Variants in ZNF713 observed in about 807,000 individuals in gnomAD.
ZNF713 encodes the protein zinc finger protein 713.
Under a neutral mutation model 28.7 loss-of-function variants are expected in ZNF713, and 21 were observed. The ratio of observed to expected loss-of-function variants is 0.73; its 90% confidence interval spans 0.52 to 1.05. The LOEUF (loss-of-function observed/expected upper bound fraction) is 1.05, where lower values mean the gene tolerates loss of function less well. Ranked by LOEUF, ZNF713 falls within the 50% of genes least tolerant of loss-of-function variation. The pLI is 0.00. For synonymous variants in ZNF713, 167 were observed against 178.0 expected (o/e 0.94, Z 0.49); for missense variants, 458 against 532.4 (o/e 0.86, Z 1.37).
intron 4 of ZNF713, chr7:55,918,189 G>T: frequency 4.5e-6 from 2 of 448,224 alleles, no homozygotes; most frequent in South Asian, 3.2e-5. Flanking sequence ...CGACCACCTT[G>T]TCAGGAGGAA....
chr7:55,927,531 A>G (rs1786120120), intron 6 of ZNF713, among the ~76,000 whole-genome samples: 1 of 151,960 alleles, frequency 6.6e-6, no homozygotes, highest in Admixed American at 6.6e-5. Flanking sequence ...TGAAAAAAGC[A>G]AAAGAATTGT....
intron 2 of ZNF713, among the ~76,000 whole-genome samples, chr7:55,908,346 T>A (rs1481755210): frequency 6.6e-6 from 1 of 152,160 alleles, no homozygotes; most frequent in Non-Finnish European, 1.5e-5. Flanking sequence ...TTTCACCATG[T>A]TGGTCAGGCT....
chr7:55,939,257 C>T lies in ZNF713; in HGVS notation c.583C>T (p.Leu195Phe). 1 of 1,614,062 alleles carries T rather than the reference C, an allele frequency of 6.2e-7. No homozygotes were observed. The highest frequency in any genetic ancestry group is 8.5e-7 in the Non-Finnish European group (1 of 1,180,020). Residue 195 changes from leucine (L) to phenylalanine (F), a missense_variant, in exon 7 of 7, where the codon CTT (leucine) becomes TTT (phenylalanine). By Grantham distance (22) the Leu-to-Phe change is conservative. Transcript: ENST00000429591. ...FAENCNLNSNLMQQRIPSIKI... is the reference protein window; with the variant it reads ...FAENCNLNSNFMQQRIPSIKI... ...AGAAAACTGTAATCTGAACTCAAACCTTATGCAGCAGAGAATTCCTTCCAT... is the reference window on the plus strand; with the variant it reads ...AGAAAACTGTAATCTGAACTCAAACTTTATGCAGCAGAGAATTCCTTCCAT...
intron 2 of ZNF713, among the ~76,000 whole-genome samples, chr7:55,906,948 G>A (rs981091204): frequency 3.3e-5 from 5 of 152,172 alleles, no homozygotes; most frequent in Non-Finnish European, 5.9e-5. Context: ...GCTGAAATCT[G>A]ATAAGAAATT....
chr7:55,932,043 T>A (rs1256565050), intron 6 of ZNF713, among the ~76,000 whole-genome samples: 1 of 152,212 alleles, frequency 6.6e-6, no homozygotes, highest in Non-Finnish European at 1.5e-5. Context: ...AAAGAAAGTG[T>A]TCCAGTTGAT....
chr7:55,937,554 T>C (rs1312024409), intron 6 of ZNF713, among the ~76,000 whole-genome samples: 1 of 152,024 alleles, frequency 6.6e-6, no homozygotes, highest in Non-Finnish European at 1.5e-5. Context: ...ATTTTAATTA[T>C]TGAGTAGATA....
intron 6 of ZNF713, among the ~76,000 whole-genome samples, chr7:55,925,134 T>A (rs1456088208): frequency 6.6e-6 from 1 of 152,114 alleles, no homozygotes; most frequent in East Asian, 1.9e-4. Context: ...CTGAGTTAGG[T>A]AGTTTCTACT....
intron 1 of ZNF713, among the ~76,000 whole-genome samples, chr7:55,892,058 T>TCA (rs1277157759): frequency 6.6e-6 from 1 of 151,960 alleles, no homozygotes; most frequent in Non-Finnish European, 1.5e-5. Context: ...GGCAGGCGGA[T>TCA]CACGAGGTCA....
chr7:55,895,193 T>C (rs1330656251), intron 1 of ZNF713, among the ~76,000 whole-genome samples: 1 of 152,102 alleles, frequency 6.6e-6, no homozygotes, highest in African/African-American at 2.4e-5. Context: ...AAGTGAGAGC[T>C]GATGGTGGCT....
rs1314409457 is a variant in ZNF713 at position 55,941,152 on chromosome 7, T to C, written c.*1146T>C. The C allele has an allele frequency of 1.3e-5, 2 of 150,576 alleles. No individual in the cohort carries two copies. Among genetic ancestry groups the C allele is most frequent in the African/African-American group, 4.9e-5 (2 of 41,134 alleles). 9.3% of individuals were successfully genotyped at this position (150,576 alleles called of 1,614,324 possible). ...GTATAAAACTTTTAAATCAGAAATT[T>C]TGATTAATTAAAGACAATGCTGGCT... On this transcript the variant is annotated 3_prime_UTR_variant, in exon 7 of 7. Coordinates refer to ENST00000429591, the MANE Select transcript of ZNF713 (RefSeq NM_182633.3).
chr7:55,899,207 G>C (rs1012150685), intron 1 of ZNF713, among the ~76,000 whole-genome samples: 1 of 151,450 alleles, frequency 6.6e-6, no homozygotes, highest in Admixed American at 6.6e-5. Context: ...CAAAAAATTA[G>C]CTGGGCATGG....
At chr7:55,916,709 G>T (rs1319874891) in intron 4 of ZNF713, among the ~76,000 whole-genome samples, 1 of 152,180 alleles carries the variant, frequency 6.6e-6, no homozygotes, top group Non-Finnish European at 1.5e-5. Flanking sequence ...AATAATTGAT[G>T]TTGGGATTTC....
intron 4 of ZNF713, among the ~76,000 whole-genome samples, chr7:55,919,489 A>ATTTTTTTTTTTT (rs1785943841): frequency 1.7e-5 from 1 of 60,226 alleles, no homozygotes. Flanking sequence ...TAAACACTCC[A>ATTTTTTTTTTTT]GTTTTTTTTT....
rs1019897403 is a variant in ZNF713, at chr7:55,923,493, G to A, written c.215-114G>A. ...AGTTTGAGATGAGTGGCTTTATTTT[G>A]CTGCCTCTGAAGTCTCCCCTCCAGA... On this transcript the variant is annotated intron_variant, in intron 5 of 6. Transcript: ENST00000429591. The A allele has an allele frequency of 9.1e-6, 10 of 1,097,734 alleles. No individual in the cohort carries two copies. The African/African-American group carries it at 1.6e-4, about 17-fold the overall frequency. The allele number at this position is 1,097,734 out of a possible 1,614,324, so 68.0% of individuals were successfully genotyped here.
intron 1 of ZNF713, 42 bp from the exon 2 acceptor site, chr7:55,906,211 C>G (rs1340145882): frequency 1.3e-5 from 2 of 152,098 alleles, no homozygotes; most frequent in Non-Finnish European, 2.9e-5. Context: ...CCCAAATAAG[C>G]TCTCCGCTTA....
chr7:55,897,813 T>C (rs780050934), intron 1 of ZNF713, among the ~76,000 whole-genome samples: 11 of 152,216 alleles, frequency 7.2e-5, no homozygotes, highest in Non-Finnish European at 1.3e-4. Flanking sequence ...AGTAGACATA[T>C]TGACATTGTA....
intron 4 of ZNF713, among the ~76,000 whole-genome samples, chr7:55,922,091 A>G (rs1418622547): frequency 1.3e-5 from 2 of 151,740 alleles, no homozygotes; most frequent in African/African-American, 4.8e-5. Context: ...ATGCCTGGCT[A>G]TTTTTTTGTA....
At chr7:55,931,744 T>C (rs1048640391) in intron 6 of ZNF713, among the ~76,000 whole-genome samples, 1 of 152,214 alleles carries the variant, frequency 6.6e-6, no homozygotes, top group South Asian at 2.1e-4. Context: ...AAACATCTGC[T>C]TGGCAAGGCA....
chr7:55,897,632 T>C (rs1355494096), intron 1 of ZNF713, among the ~76,000 whole-genome samples: 1 of 152,072 alleles, frequency 6.6e-6, no homozygotes. Context: ...GGATATTTAT[T>C]AGCAACAAAA....
Sources: allele counts gnomAD v4.1 joint callset (sites outside exome capture counted in the v4.1 genomes callset), GRCh38; gene constraint gnomAD v4.1.1; transcripts MANE v1.5; gene names NCBI Gene and HGNC (gene_info 2026-07-23, HGNC 2026-07-21).